Variants in CAP1 observed in about 807,000 individuals in gnomAD.
CAP1 encodes the protein cyclase associated actin cytoskeleton regulatory protein 1.
A neutral mutation model predicts 58.2 loss-of-function variants in CAP1; 11 were observed. That is an observed-to-expected ratio of 0.19 (90% CI 0.12 to 0.31). The LOEUF is 0.31. CAP1 is among the 10% of genes least tolerant of loss of function. The pLI is 1.00. For missense variants in CAP1, 423 were observed against 587.5 expected, an observed-to-expected ratio of 0.72 and a Z score of 2.89; for synonymous variants, 183 against 213.8, an observed-to-expected ratio of 0.86 and a Z score of 1.26.
rs533813850 is a variant in CAP1 at position 40,054,952 on chromosome 1, G to A, written c.-10-4385G>A. 3.9e-5 allele frequency among the ~76,000 whole-genome samples: 6 copies of A among 152,234 alleles called. No homozygotes were observed. The East Asian group carries it at 7.7e-4, about 20-fold the overall frequency. ...ATTACAGGCGTGAGCCACCATGCCC[G>A]GCCAAATAAATGATTTTAAACCAGT... On this transcript the variant is annotated intron_variant, in intron 1 of 12. Coordinates refer to ENST00000372805, the MANE Select transcript of CAP1 (RefSeq NM_006367.4).
intron 12 of CAP1, 138 bp from the exon 13 acceptor site, chr1:40,071,312 T>C: frequency 3.1e-6 from 2 of 645,538 alleles, no homozygotes; most frequent in South Asian, 3.8e-5. Context: ...ATAGCATGGC[T>C]CTGTGGGTTT....
At chr1:40,049,709 A>G (rs1175406821) in intron 1 of CAP1, among the ~76,000 whole-genome samples, 1 of 152,100 alleles carries the variant, frequency 6.6e-6, no homozygotes, top group African/African-American at 2.4e-5. Context: ...AGTCATTTCC[A>G]CTTAGAAGCT....
chr1:40,040,951 GC>G (rs575899021), intron 1 of CAP1, 150 bp downstream of exon 1: 9 of 152,880 alleles, frequency 5.9e-5, no homozygotes, highest in African/African-American at 2.2e-4. Flanking sequence ...GGACTCTTGG[GC>G]GCGGTCTCTT....
intron 1 of CAP1, among the ~76,000 whole-genome samples, chr1:40,057,113 T>G (rs943189725): frequency 6.6e-6 from 1 of 152,204 alleles, no homozygotes; most frequent in South Asian, 2.1e-4. Flanking sequence ...CATTTAAGAT[T>G]GGTAAATGTT....
At chr1:40,053,244 G>A (rs533034416) in intron 1 of CAP1, among the ~76,000 whole-genome samples, 6 of 152,104 alleles carry the variant, frequency 3.9e-5, no homozygotes, top group South Asian at 4.1e-4. Flanking sequence ...AAAAATGGAA[G>A]ATGATAATAA....
At chr1:40,045,658 C>T (rs1646060523) in intron 1 of CAP1, among the ~76,000 whole-genome samples, 1 of 152,134 alleles carries the variant, frequency 6.6e-6, no homozygotes, top group Non-Finnish European at 1.5e-5. Flanking sequence ...CGGGTTCAAG[C>T]AGTTCTCCTG....
intron 12 of CAP1, 120 bp downstream of exon 12, chr1:40,071,099 C>T: frequency 1.1e-6 from 1 of 911,206 alleles, no homozygotes; most frequent in Non-Finnish European, 1.7e-6. Flanking sequence ...CAATAATGCA[C>T]ACCAAAAGTA....
At chr1:40,050,907 C>G (rs565115745) in intron 1 of CAP1, among the ~76,000 whole-genome samples, 1 of 152,178 alleles carries the variant, frequency 6.6e-6, no homozygotes, top group Non-Finnish European at 1.5e-5. Context: ...TCAGTGCCCT[C>G]CATCATCTGG....
chr1:40,064,612 T>A lies in CAP1; in HGVS notation c.524+53T>A, dbSNP rs1424252323. ...TCTTTTCTGAGACAGTGTCTTGCGT[T>A]GTCACCCAGGCTGAAGTACAGTGGC... On this transcript the variant is annotated intron_variant, in intron 6 of 12. Coordinates refer to ENST00000372805, the MANE Select transcript of CAP1 (RefSeq NM_006367.4). 6.5e-6 allele frequency: 9 copies of A among 1,387,434 alleles called. No individual in the cohort carries two copies. The Admixed American group carries it at 1.5e-4, about 23-fold the overall frequency. 85.9% of individuals were successfully genotyped at this position (1,387,434 alleles called of 1,614,324 possible).
chr1:40,061,160 T>C (rs1646833808), intron 3 of CAP1, among the ~76,000 whole-genome samples: 1 of 151,710 alleles, frequency 6.6e-6, no homozygotes, highest in African/African-American at 2.4e-5. Context: ...GCTGTACTTT[T>C]TTTTTTTTTA....
Position 40,050,479 on chromosome 1 carries a change from C to T in CAP1, c.-10-8858C>T, listed in dbSNP as rs902800863. On this transcript the variant is annotated intron_variant, in intron 1 of 12. Transcript: ENST00000372805. ...TTCGAGACCAGCCAGGCCAACATGGCGAAACCTTGTCTCTACTAAAAATAC... is the reference window on the plus strand; with the variant it reads ...TTCGAGACCAGCCAGGCCAACATGGTGAAACCTTGTCTCTACTAAAAATAC... 2.6e-5 allele frequency among the ~76,000 whole-genome samples: 4 copies of T among 151,106 alleles called. No homozygotes were observed. The South Asian group carries it at 8.4e-4, about 32-fold the overall frequency.
chr1:40,053,955 T>C (rs1003559576), intron 1 of CAP1, among the ~76,000 whole-genome samples: 3 of 152,318 alleles, frequency 2.0e-5, no homozygotes, highest in Admixed American at 1.3e-4. Context: ...TTATGGTACT[T>C]AGTTTGAAGA....
At chr1:40,046,274 G>T (rs192386620) in intron 1 of CAP1, among the ~76,000 whole-genome samples, 1 of 152,122 alleles carries the variant, frequency 6.6e-6, no homozygotes, top group African/African-American at 2.4e-5. Flanking sequence ...TGGCCAACAT[G>T]GTAAAACCCC....
intron 8 of CAP1, among the ~76,000 whole-genome samples, chr1:40,067,992 T>G (rs571534848): frequency 2.0e-5 from 3 of 152,372 alleles, no homozygotes; most frequent in Admixed American, 1.3e-4. Flanking sequence ...CTGGCGGTTT[T>G]CCCCAGAGCT....
intron 1 of CAP1, among the ~76,000 whole-genome samples, chr1:40,053,719 T>C (rs1646485987): frequency 6.6e-6 from 1 of 152,198 alleles, no homozygotes; most frequent in South Asian, 2.1e-4. Context: ...AGTGCTGTGA[T>C]TACAGGCATG....
At chr1:40,051,335 A>T (rs1245921328) in intron 1 of CAP1, among the ~76,000 whole-genome samples, 1 of 152,136 alleles carries the variant, frequency 6.6e-6, no homozygotes, top group Non-Finnish European at 1.5e-5. Context: ...GGACTGTTTG[A>T]GCCCAGGAGT....
chr1:40,068,451 T>A (rs1358428509), intron 8 of CAP1, among the ~76,000 whole-genome samples: 2 of 151,334 alleles, frequency 1.3e-5, no homozygotes, highest in Admixed American at 1.3e-4. Context: ...TTTTTTTTTG[T>A]ATTTTTAGTA....
intron 1 of CAP1, 123 bp from the exon 2 acceptor site, chr1:40,059,214 T>C (rs1195831956): frequency 1.7e-6 from 1 of 582,516 alleles, no homozygotes; most frequent in Non-Finnish European, 3.1e-6. Flanking sequence ...TATTAAATTA[T>C]TCTGTTCCTG....
Position 40,071,452 on chromosome 1 carries a change from T to A in CAP1, c.1347T>A (p.Asn449Lys), listed in dbSNP as rs1322613697. 2.5e-6 allele frequency: 4 copies of A among 1,609,774 alleles called. No individual in the cohort carries two copies. Among genetic ancestry groups the A allele is most frequent in the Non-Finnish European group, 3.4e-6 (4 of 1,176,456 alleles). The change falls in exon 13 of 13, where the codon AAT becomes AAA. Residue 449 changes from asparagine (N) to lysine (K), a missense_variant and splice_region_variant. Transcript: ENST00000372805. ...VLIPTEGGDFNEFPVPEQFKT... is the reference protein window; with the variant it reads ...VLIPTEGGDFKEFPVPEQFKT... ...TGCTGTCTCTTCTTTATTTGCAGAA[T>A]GAATTCCCAGTTCCTGAGCAGTTCA...
Sources: allele counts gnomAD v4.1 joint callset (sites outside exome capture counted in the v4.1 genomes callset), GRCh38; gene constraint gnomAD v4.1.1; transcripts MANE v1.5; gene names NCBI Gene and HGNC (gene_info 2026-07-23, HGNC 2026-07-21).